KLHL28: variants seen among roughly 807,000 people sequenced by gnomAD.
The protein encoded by KLHL28 is kelch-like protein 28.
In KLHL28, 22 loss-of-function variants were observed where a neutral mutation model predicts 48.3. The observed-to-expected ratio is 0.46, with a 90% CI of 0.33 to 0.65. The LOEUF (loss-of-function observed/expected upper bound fraction) is 0.65, where lower values mean the gene tolerates loss of function less well. Ranked by LOEUF, KLHL28 falls within the 30% of genes least tolerant of loss-of-function variation. KLHL28 has a pLI of 0.03. For synonymous variants in KLHL28, 243 were observed against 242.4 expected (o/e 1.00, Z -0.02); for missense variants, 527 against 704.3 (o/e 0.75, Z 2.85).
rs536829490 is a variant in KLHL28 at position 44,930,837 on chromosome 14, T to C, written c.1552+496A>G. 2.8e-4 allele frequency among the ~76,000 whole-genome samples: 43 copies of C among 152,302 alleles called. No homozygotes were observed. In the South Asian group the frequency reaches 3.5e-3, roughly 12 times the overall value. On this transcript the variant is annotated intron_variant, in intron 4 of 4. Coordinates refer to ENST00000396128, the MANE Select transcript of KLHL28 (RefSeq NM_017658.5). ...GATGTGATGAGTTTGAGTTCAAAGA[T>C]AACAATTTTTCCTAAACCACAAAAG...
At chr14:44,957,328 A>G (rs1374707117) in intron 1 of KLHL28, among the ~76,000 whole-genome samples, 1 of 152,204 alleles carries the variant, frequency 6.6e-6, no homozygotes, top group East Asian at 1.9e-4. Context: ...TTCTTAAAAA[A>G]CAGAAAATAT....
At chr14:44,937,313 C>CT (rs200711722) in intron 2 of KLHL28, among the ~76,000 whole-genome samples, 7 of 151,540 alleles carry the variant, frequency 4.6e-5, no homozygotes, top group African/African-American at 7.3e-5. Context: ...CCTCAGCTAA[C>CT]TTTTTTTGTA....
At chr14:44,949,467 T>C (rs1299257489) in intron 1 of KLHL28, among the ~76,000 whole-genome samples, 2 of 152,104 alleles carry the variant, frequency 1.3e-5, no homozygotes, top group African/African-American at 4.8e-5. Context: ...TAAAAAAATA[T>C]ATAAGCTAGT....
chr14:44,936,633 G>C (rs2138598520), intron 2 of KLHL28, among the ~76,000 whole-genome samples: 1 of 152,284 alleles, frequency 6.6e-6, no homozygotes, highest in South Asian at 2.1e-4. Flanking sequence ...GGGGAGTGCT[G>C]AAGGCTCCAT....
In KLHL28 at chr14:44,925,072, G is replaced by C. The variant is rs937164439; in HGVS notation, c.*3956C>G. On this transcript the variant is annotated 3_prime_UTR_variant, in exon 5 of 5. Coordinates refer to ENST00000396128, the MANE Select transcript of KLHL28 (RefSeq NM_017658.5). Reference sequence around the variant, plus strand: ...TTAAATCATGTCTAATTAAAGTGCTGTTTACAAAGGGAAAAAAGGTTAAGA... The same window carrying C: ...TTAAATCATGTCTAATTAAAGTGCTCTTTACAAAGGGAAAAAAGGTTAAGA... The C allele has an allele frequency of 6.6e-6, 1 of 152,548 alleles. No individual in the cohort carries two copies. The highest frequency in any genetic ancestry group is 6.5e-5 in the Admixed American group (1 of 15,282). 9.4% of individuals were successfully genotyped at this position (152,548 alleles called of 1,614,324 possible). A position where few individuals can be genotyped will look rare whatever the true frequency, so the allele number is the denominator to read the frequency against.
chr14:44,936,318 T>C (rs1883822155), intron 2 of KLHL28, among the ~76,000 whole-genome samples: 1 of 152,008 alleles, frequency 6.6e-6, no homozygotes, highest in South Asian at 2.1e-4. Context: ...TAATGATACA[T>C]ATAGTACAGA....
intron 2 of KLHL28, among the ~76,000 whole-genome samples, chr14:44,940,698 A>C (rs1884034366): frequency 6.6e-6 from 1 of 152,132 alleles, no homozygotes; most frequent in East Asian, 1.9e-4. Flanking sequence ...AGGCATAAAG[A>C]GTCTCTCTTT....
intron 2 of KLHL28, among the ~76,000 whole-genome samples, chr14:44,938,195 A>G (rs1282392056): frequency 6.6e-6 from 1 of 152,202 alleles, no homozygotes; most frequent in Non-Finnish European, 1.5e-5. Context: ...GGCATGATAC[A>G]TCCTGAGGCA....
intron 1 of KLHL28, among the ~76,000 whole-genome samples, chr14:44,951,347 T>G (rs183879350): frequency 4.3e-4 from 66 of 152,328 alleles, no homozygotes; most frequent in Non-Finnish European, 7.9e-4. Flanking sequence ...AAGCCACGGA[T>G]AAGCTGCAGT....
Position 44,945,347 on chromosome 14 carries a change from G to T in KLHL28, c.582C>A (p.Thr194=), listed in dbSNP as rs747315864. The T allele has an allele frequency of 6.2e-7, 1 of 1,613,960 alleles. No homozygotes were observed. Among genetic ancestry groups the T allele is most frequent in the Non-Finnish European group, 8.5e-7 (1 of 1,179,978 alleles). Residue 194 remains threonine, a synonymous_variant, in exon 2 of 5, where the codon ACC becomes ACA. Transcript: ENST00000396128. ...CTAATGCATAAAAAACAGTCTCTTC[G>T]GTAGCTACATTCAAACAGTCATTGG... is the stretch of plus-strand genomic sequence containing the variant. ...IVSNDCLNVA[T]EETVFYALES...
intron 2 of KLHL28, among the ~76,000 whole-genome samples, chr14:44,940,465 T>G (rs1328454038): frequency 6.6e-6 from 1 of 152,202 alleles, no homozygotes; most frequent in African/African-American, 2.4e-5. Context: ...ATTCAAAAAA[T>G]GCTTTCAATG....
chr14:44,937,140 GT>G (rs1157716849), intron 2 of KLHL28, among the ~76,000 whole-genome samples: 24 of 149,458 alleles, frequency 1.6e-4, no homozygotes, highest in African/African-American at 4.9e-4. Flanking sequence ...TTTTTTGTTT[GT>G]TTTTTTCTTT....
At chr14:44,956,922 A>C (rs901642870) in intron 1 of KLHL28, among the ~76,000 whole-genome samples, 1 of 152,172 alleles carries the variant, frequency 6.6e-6, no homozygotes, top group Non-Finnish European at 1.5e-5. Context: ...GGCTCAAGGG[A>C]TTCTCCCTCC....
chr14:44,954,703 C>T (rs965358891), intron 1 of KLHL28, among the ~76,000 whole-genome samples: 1 of 151,992 alleles, frequency 6.6e-6, no homozygotes, highest in African/African-American at 2.4e-5. Context: ...AGGTATGGAA[C>T]TAAAAACTAG....
Position 44,925,619 on chromosome 14 carries a change from C to T in KLHL28, c.*3409G>A, listed in dbSNP as rs1455891961. On this transcript the variant is annotated 3_prime_UTR_variant, in exon 5 of 5. Coordinates refer to ENST00000396128, the MANE Select transcript of KLHL28 (RefSeq NM_017658.5). ...TTTGAGTGAAAAAGAGTATATCTCTCTAGCTCCCACAGCATCTAACAGAAT... is the reference window on the plus strand; with the variant it reads ...TTTGAGTGAAAAAGAGTATATCTCTTTAGCTCCCACAGCATCTAACAGAAT... 5 of 152,116 alleles carry T rather than the reference C, an allele frequency of 3.3e-5. No individual in the cohort carries two copies. The highest frequency in any genetic ancestry group is 3.3e-4 in the Admixed American group (5 of 15,282). The allele number at this position is 152,116 out of a possible 1,614,324, so 9.4% of individuals were successfully genotyped here. A position where few individuals can be genotyped will look rare whatever the true frequency, so the allele number is the denominator to read the frequency against.
intron 2 of KLHL28, among the ~76,000 whole-genome samples, chr14:44,944,665 G>A (rs1181215026): frequency 6.6e-6 from 1 of 151,958 alleles, no homozygotes; most frequent in Non-Finnish European, 1.5e-5. Context: ...TCTCTTCTTT[G>A]CTATCTTCTG....
At chr14:44,939,992 TA>T (rs1458953931) in intron 2 of KLHL28, among the ~76,000 whole-genome samples, 5 of 152,226 alleles carry the variant, frequency 3.3e-5, no homozygotes, top group African/African-American at 1.2e-4. Flanking sequence ...GGGTAATTTA[TA>T]AAGAACAAAA....
intron 2 of KLHL28, among the ~76,000 whole-genome samples, chr14:44,939,198 A>G (rs1883969225): frequency 6.6e-6 from 1 of 152,170 alleles, no homozygotes; most frequent in Non-Finnish European, 1.5e-5. Flanking sequence ...CAAGGTGGCC[A>G]TGGGCAGTGA....
intron 3 of KLHL28, among the ~76,000 whole-genome samples, chr14:44,933,031 T>G (rs1191865653): frequency 6.6e-6 from 1 of 152,198 alleles, no homozygotes; most frequent in Non-Finnish European, 1.5e-5. Context: ...TATAAAACAG[T>G]ATAATATTTG....
Sources: allele counts gnomAD v4.1 joint callset (sites outside exome capture counted in the v4.1 genomes callset), GRCh38; gene constraint gnomAD v4.1.1; transcripts MANE v1.5; gene names NCBI Gene and HGNC (gene_info 2026-07-23, HGNC 2026-07-21).